MAPK10: variants seen among roughly 807,000 people sequenced by gnomAD.
MAPK10 encodes JNK3 alpha protein kinase.
In MAPK10, 25 loss-of-function variants were observed where a neutral mutation model predicts 59.3. That is an observed-to-expected ratio of 0.42 (90% CI 0.31 to 0.59). The LOEUF is 0.59. Ranked by LOEUF, MAPK10 falls within the 20% of genes least tolerant of loss-of-function variation. MAPK10 has a pLI of 0.15. For synonymous variants in MAPK10, 190 were observed against 200.5 expected (o/e 0.95, Z 0.44); for missense variants, 351 against 568.9 (o/e 0.62, Z 3.90).
At chr4:86,155,846 C>T (rs1344492131) in intron 4 of MAPK10, among the ~76,000 whole-genome samples, 5 of 151,754 alleles carry the variant, frequency 3.3e-5, no homozygotes, top group South Asian at 2.1e-4. Flanking sequence ...ATTTTGGAGC[C>T]GTTATTAATT....
intron 2 of MAPK10, among the ~76,000 whole-genome samples, chr4:86,206,036 T>C (rs2083793521): frequency 6.6e-6 from 1 of 152,036 alleles, no homozygotes; most frequent in South Asian, 2.1e-4. Flanking sequence ...ACAGGATTTT[T>C]TTTTAATTTA....
At chr4:86,182,305 C>T (rs1176713647) in intron 3 of MAPK10, among the ~76,000 whole-genome samples, 1 of 152,062 alleles carries the variant, frequency 6.6e-6, no homozygotes, top group Non-Finnish European at 1.5e-5. Flanking sequence ...AGATAATGTA[C>T]CTATTTTCTG....
At chr4:86,052,998 T>TA (rs1309318599) in intron 11 of MAPK10, among the ~76,000 whole-genome samples, 17 of 152,148 alleles carry the variant, frequency 1.1e-4, no homozygotes, top group Middle Eastern at 3.4e-3. Context: ...TATTTTTTTT[T>TA]TAAAAAGAAG....
At chr4:86,338,247 G>C (rs372864535) in intron 2 of MAPK10, among the ~76,000 whole-genome samples, 73 of 152,132 alleles carry the variant, frequency 4.8e-4, no homozygotes, top group African/African-American at 1.6e-3. Context: ...TACTAATAAA[G>C]GCATCTAGGT....
intron 2 of MAPK10, among the ~76,000 whole-genome samples, chr4:86,329,342 T>C (rs1226390088): frequency 6.6e-6 from 1 of 152,240 alleles, no homozygotes; most frequent in African/African-American, 2.4e-5. Context: ...CTCAGTCAGC[T>C]GATTAATTGG....
chr4:86,208,504 A>G (rs1424115512), intron 2 of MAPK10, among the ~76,000 whole-genome samples: 2 of 151,100 alleles, frequency 1.3e-5, no homozygotes, highest in Admixed American at 6.6e-5. Context: ...GATTATCTCA[A>G]TAGATGCAGA....
intron 1 of MAPK10, among the ~76,000 whole-genome samples, chr4:86,388,642 T>C (rs1176895918): frequency 1.3e-5 from 2 of 152,182 alleles, no homozygotes; most frequent in African/African-American, 2.4e-5. Flanking sequence ...TCACTGTTAT[T>C]GTATAACAAG....
intron 1 of MAPK10, among the ~76,000 whole-genome samples, chr4:86,372,561 A>G (rs866144261): frequency 6.4e-4 from 13 of 20,212 alleles, no homozygotes; most frequent in Admixed American, 3.7e-3. Flanking sequence ...AGAAAGAAAG[A>G]AAGAAAGAAA....
intron 11 of MAPK10, 122 bp downstream of exon 11, chr4:86,064,144 C>G: frequency 8.0e-7 from 1 of 1,247,876 alleles, no homozygotes; most frequent in Non-Finnish European, 1.1e-6. Flanking sequence ...AGATAATAGG[C>G]TTTGGACTTA....
chr4:86,295,166 G>A (rs1347957517), intron 2 of MAPK10, among the ~76,000 whole-genome samples: 2 of 152,090 alleles, frequency 1.3e-5, no homozygotes, highest in East Asian at 1.9e-4. Flanking sequence ...CACATCCCCC[G>A]ACTTTCACTT....
chr4:86,195,459 G>C (rs1161602324), intron 2 of MAPK10, among the ~76,000 whole-genome samples: 2 of 152,172 alleles, frequency 1.3e-5, no homozygotes, highest in Non-Finnish European at 2.9e-5. Context: ...AAAGTTCTGA[G>C]AAGTTGAAAA....
At chr4:86,548,648 G>T (rs147560323) in intron 1 of MAPK10, among the ~76,000 whole-genome samples, 1 of 152,240 alleles carries the variant, frequency 6.6e-6, no homozygotes, top group East Asian at 1.9e-4. Context: ...CATGCTTCCT[G>T]TATAGCCCAT....
At chr4:86,580,775 C>T (rs193220164) in intron 1 of MAPK10, among the ~76,000 whole-genome samples, 459 of 152,296 alleles carry the variant, frequency 3.0e-3, no homozygotes, top group South Asian at 7.1e-3. Context: ...ACATGGATAA[C>T]TCATGTGGAC....
At chr4:86,029,332 A>T in intron 12 of MAPK10, 58 bp from the exon 13 acceptor site, 1 of 1,063,076 alleles carries the variant, frequency 9.4e-7, no homozygotes, top group Non-Finnish European at 1.5e-6. Context: ...CCACAGGGAA[A>T]TTCATTACTT....
chr4:86,357,547 G>A (rs913683560), intron 1 of MAPK10: 2 of 152,054 alleles, frequency 1.3e-5, no homozygotes, highest in African/African-American at 2.4e-5. Flanking sequence ...ACATTTTATA[G>A]CATTGACAAT....
chr4:86,080,091 A>T (rs2050324440), intron 9 of MAPK10: 1 of 152,082 alleles, frequency 6.6e-6, no homozygotes, highest in African/African-American at 2.4e-5. Context: ...TAGGTACTCA[A>T]AAATATTTAT....
At chr4:86,125,075 G>A (rs899974763) in intron 4 of MAPK10, 3 of 151,756 alleles carry the variant, frequency 2.0e-5, no homozygotes, top group Non-Finnish European at 4.4e-5. Context: ...TTAATAAAAA[G>A]AATATTTTCA....
chr4:86,272,504 G>A (rs937419235), intron 2 of MAPK10, among the ~76,000 whole-genome samples: 2 of 151,854 alleles, frequency 1.3e-5, no homozygotes, highest in African/African-American at 4.8e-5. Context: ...GTATAAAGTA[G>A]AGGTTAAGGT....
upstream of MAPK10, among the ~76,000 whole-genome samples, chr4:86,361,088 C>T (rs1736869254): frequency 6.6e-6 from 1 of 152,126 alleles, no homozygotes; most frequent in Non-Finnish European, 1.5e-5. Context: ...AACTAGCATA[C>T]TTATATGAAT....
Sources: allele counts gnomAD v4.1 joint callset (sites outside exome capture counted in the v4.1 genomes callset), GRCh38; gene constraint gnomAD v4.1.1; transcripts MANE v1.5; gene names NCBI Gene and HGNC (gene_info 2026-07-23, HGNC 2026-07-21).